CCNY: variants seen among roughly 807,000 people sequenced by gnomAD.
CCNY encodes the protein cyclin Y.
Under a neutral mutation model 42.8 loss-of-function variants are expected in CCNY, and 19 were observed. The ratio of observed to expected loss-of-function variants is 0.44; its 90% CI spans 0.31 to 0.65. CCNY has a LOEUF of 0.65. Among genes scored for constraint, CCNY ranks in the 30% least tolerant of loss-of-function variants. CCNY has a pLI of 0.07. For missense variants in CCNY, 370 were observed against 437.3 expected (o/e 0.85, Z 1.37); for synonymous variants, 165 against 162.7 (o/e 1.01, Z -0.11).
intron 1 of CCNY, among the ~76,000 whole-genome samples, chr10:35,386,932 T>C (rs796428050): frequency 3.9e-5 from 6 of 152,280 alleles, no homozygotes; most frequent in African/African-American, 1.4e-4. Context: ...GTGGCCCAAA[T>C]GCAGTGCTGC....
At chr10:35,289,424 G>A (rs1436771623) in intron 3 of CCNY, 3 of 152,194 alleles carry the variant, frequency 2.0e-5, no homozygotes, top group Admixed American at 6.5e-5. Context: ...AGGAAGAAAA[G>A]TGGGAAGGTA....
intron 3 of CCNY, among the ~76,000 whole-genome samples, chr10:35,329,630 T>C (rs1482217544): frequency 1.3e-5 from 2 of 152,154 alleles, no homozygotes; most frequent in African/African-American, 2.4e-5. Context: ...AGGAAAAGCA[T>C]TGTTTGTGCC....
chr10:35,438,171 G>A lies in CCNY; in HGVS notation c.155-45233G>A, dbSNP rs140959013. ...GTTCTTTTTTTTTTTTTTTTCTGAG[G>A]CAAGGCCTTTTCTGTTTCCCAGGCT... On this transcript the variant is annotated intron_variant, in intron 1 of 9. Transcript: ENST00000374704. 7.5e-3 allele frequency among the ~76,000 whole-genome samples: 1,116 copies of A among 149,398 alleles called. 13 individuals are homozygous for A. The highest frequency in any genetic ancestry group is 0.026 in the African/African-American group (1,051 of 40,548).
At chr10:35,357,247 T>G (rs1836577965) in intron 1 of CCNY, among the ~76,000 whole-genome samples, 1 of 121,572 alleles carries the variant, frequency 8.2e-6, no homozygotes, top group African/African-American at 3.1e-5. Context: ...CTTTATGAGG[T>G]AATGTTTACC....
At chr10:35,340,689 A>G (rs1263296838) in intron 1 of CCNY, among the ~76,000 whole-genome samples, 1 of 151,990 alleles carries the variant, frequency 6.6e-6, no homozygotes, top group Non-Finnish European at 1.5e-5. Context: ...TTTTTAGTAG[A>G]GATGGGGTTT....
intron 3 of CCNY, among the ~76,000 whole-genome samples, chr10:35,299,453 G>A (rs1268610406): frequency 6.6e-6 from 1 of 152,136 alleles, no homozygotes; most frequent in Non-Finnish European, 1.5e-5. Flanking sequence ...TCTACAACTG[G>A]GTGCATTCAC....
At chr10:35,547,994 C>T (rs1385051428) in intron 7 of CCNY, among the ~76,000 whole-genome samples, 3 of 152,016 alleles carry the variant, frequency 2.0e-5, no homozygotes, top group Non-Finnish European at 2.9e-5. Context: ...AGCTTATTGG[C>T]TATTTGCCTT....
chr10:35,456,749 G>A (rs939595969), intron 1 of CCNY, among the ~76,000 whole-genome samples: 1 of 152,150 alleles, frequency 6.6e-6, no homozygotes. Flanking sequence ...AATGAAGTAG[G>A]AAATACATTT....
At chr10:35,391,581 T>G (rs774800833) in intron 1 of CCNY, among the ~76,000 whole-genome samples, 8 of 152,202 alleles carry the variant, frequency 5.3e-5, no homozygotes, top group Middle Eastern at 3.2e-3. Flanking sequence ...ATAAGAGAGC[T>G]GAACCTACTG....
intron 3 of CCNY, among the ~76,000 whole-genome samples, chr10:35,503,059 C>T (rs1012515601): frequency 1.3e-5 from 2 of 152,110 alleles, no homozygotes; most frequent in African/African-American, 4.8e-5. Flanking sequence ...CAGTTCTAAC[C>T]TGCATACCTC....
Position 35,566,014 on chromosome 10 carries a change from G to T in CCNY, c.747-9G>T. The T allele has an allele frequency of 6.2e-7, 1 of 1,609,278 alleles. No individual in the cohort carries two copies. Among genetic ancestry groups the T allele is most frequent in the African/African-American group, 1.3e-5 (1 of 74,758 alleles). ...CTAAGCATAGGCTATTTTTGTCTTT[G>T]CTTTGCAGGAACGAGCTAGAGCGAC... is the stretch of plus-strand genomic sequence containing the variant. On this transcript the variant is annotated splice_polypyrimidine_tract_variant and intron_variant, in intron 8 of 9. Transcript: ENST00000374704.
chr10:35,489,615 G>A (rs1163925989), intron 2 of CCNY, among the ~76,000 whole-genome samples: 3 of 151,974 alleles, frequency 2.0e-5, no homozygotes, highest in Non-Finnish European at 4.4e-5. Flanking sequence ...ATAAATAGAT[G>A]GAAATAGAAA....
At chr10:35,257,141 A>C (rs773481542) in intron 3 of CCNY, among the ~76,000 whole-genome samples, 2 of 151,712 alleles carry the variant, frequency 1.3e-5, no homozygotes, top group Non-Finnish European at 2.9e-5. Context: ...ACACTGTATG[A>C]CTTTCTTGAG....
At position 35,449,479 on chromosome 10, in the gene CCNY, G is replaced by A. The variant is rs528974790; in HGVS notation, c.155-33925G>A. On this transcript the variant is annotated intron_variant, in intron 1 of 9. Transcript: ENST00000374704. ...AGGGTTCCAGAGAGAACAGGGAGGA[G>A]GAACTGGAGCACGCAGGAGCCTGGC... is the stretch of plus-strand genomic sequence containing the variant. 4.6e-5 allele frequency among the ~76,000 whole-genome samples: 7 copies of A among 152,262 alleles called. No homozygotes were observed. In the South Asian group the frequency reaches 1.5e-3, roughly 32 times the overall value.
intron 1 of CCNY, among the ~76,000 whole-genome samples, chr10:35,357,166 C>T (rs546761691): frequency 6.6e-6 from 1 of 151,264 alleles, no homozygotes; most frequent in Non-Finnish European, 1.5e-5. Flanking sequence ...AGAGAGCAGC[C>T]CCTGCTCCTG....
At chr10:35,386,005 T>G (rs915126335) in intron 1 of CCNY, among the ~76,000 whole-genome samples, 1 of 148,928 alleles carries the variant, frequency 6.7e-6, no homozygotes, top group African/African-American at 2.5e-5. Context: ...TGTCTTTCTG[T>G]TTTTTTTTTC....
At chr10:35,435,734 G>A (rs750346721) in intron 1 of CCNY, among the ~76,000 whole-genome samples, 6 of 152,196 alleles carry the variant, frequency 3.9e-5, no homozygotes, top group Non-Finnish European at 7.3e-5. Context: ...TTGTGTTGAG[G>A]ACTCAGTGGA....
At chr10:35,395,459 G>T (rs1045037475) in intron 1 of CCNY, among the ~76,000 whole-genome samples, 2 of 152,162 alleles carry the variant, frequency 1.3e-5, no homozygotes, top group African/African-American at 4.8e-5. Flanking sequence ...CAGGGGTTAG[G>T]GGGATTCTAG....
intron 2 of CCNY, among the ~76,000 whole-genome samples, chr10:35,485,149 C>G (rs1171030645): frequency 6.6e-6 from 1 of 152,244 alleles, no homozygotes; most frequent in African/African-American, 2.4e-5. Flanking sequence ...TACCTCTCTT[C>G]AGGTGAAAGC....
Sources: allele counts gnomAD v4.1 joint callset (sites outside exome capture counted in the v4.1 genomes callset), GRCh38; gene constraint gnomAD v4.1.1; transcripts MANE v1.5; gene names NCBI Gene and HGNC (gene_info 2026-07-23, HGNC 2026-07-21).